GPR179: variants seen among roughly 807,000 people sequenced by gnomAD.
GPR179 encodes probable G protein-coupled receptor 179.
GPR179 carries 52 observed loss-of-function variants against 70.8 expected under a neutral mutation model. That is an observed-to-expected ratio of 0.73 (90% confidence interval 0.59 to 0.93). The LOEUF (loss-of-function observed/expected upper bound fraction) is 0.93, where lower values mean the gene tolerates loss of function less well. Among genes scored for constraint, GPR179 ranks in the 40% least tolerant of loss-of-function variants. The pLI is 0.00. For synonymous variants in GPR179, 1,123 were observed against 1,169.0 expected, an observed-to-expected ratio of 0.96 and a Z score of 0.80; for missense variants, 2,734 against 2,966.8, an observed-to-expected ratio of 0.92 and a Z score of 1.82.
At chr17:38,336,416 C>T (rs78777878) in intron 4 of GPR179, among the ~76,000 whole-genome samples, 1 of 152,350 alleles carries the variant, frequency 6.6e-6, no homozygotes, top group East Asian at 1.9e-4. Flanking sequence ...CAGACCTAGG[C>T]TCAAATCAGA....
intron 9 of GPR179, among the ~76,000 whole-genome samples, chr17:38,333,660 T>A (rs1413177555): frequency 6.6e-6 from 1 of 152,178 alleles, no homozygotes; most frequent in Non-Finnish European, 1.5e-5. Flanking sequence ...TATACCTGCT[T>A]CTGAGTAGAT....
Position 38,330,410 on chromosome 17 carries a change from A to T in GPR179, c.3159T>A (p.His1053Gln). The T allele has an allele frequency of 6.2e-7, 1 of 1,606,938 alleles. No individual in the cohort carries two copies. Among genetic ancestry groups the T allele is most frequent in the Admixed American group, 1.7e-5 (1 of 58,986 alleles). The change falls in exon 11 of 11, where the codon CAT becomes CAA. Residue 1053 changes from histidine to glutamine, a missense_variant. By Grantham distance (24) the His-to-Gln change is conservative. Coordinates refer to ENST00000616987, the MANE Select transcript of GPR179 (RefSeq NM_001004334.4). ...CCACATCATTAGCTTCCCTCTGGTG[A>T]TGTGCATCCTCTGCGTCCATCTCAT... Reference protein sequence around the residue: ...GENEMDAEDAHHQREANDVDE... With the variant: ...GENEMDAEDAQHQREANDVDE...
Position 38,336,110 on chromosome 17 carries a change from GT to G in GPR179, c.1261del (p.Thr421LeufsTer65). 6.2e-7 allele frequency: 1 copy of G among 1,613,724 alleles called. No individual in the cohort carries two copies. The highest frequency in any genetic ancestry group is 8.5e-7 in the Non-Finnish European group (1 of 1,179,600). On this transcript the variant is annotated frameshift_variant, in exon 5 of 11. Coordinates refer to ENST00000616987, the MANE Select transcript of GPR179 (RefSeq NM_001004334.4). LOFTEE classifies it high-confidence loss of function. The stretch of plus-strand genomic sequence containing the variant: ...AAGCAGCAGGAATCCAAAAAGGACA[GT>G]TTCCAGCAGGACCACTCCAGATGCC... The part of the protein sequence containing the change: ...IWASGVVLLE[T>X]VLFGFLLLYF...
At chr17:38,342,927 C>A in intron 1 of GPR179, 69 bp downstream of exon 1, 1 of 1,463,934 alleles carries the variant, frequency 6.8e-7, no homozygotes, top group East Asian at 2.3e-5. Flanking sequence ...CCAGGCACAG[C>A]TGAGGGGACC....
Position 38,329,033 on chromosome 17 carries a change from T to C in GPR179, c.4536A>G (p.Gly1512=). Residue 1512 remains glycine, a synonymous_variant, in exon 11 of 11, where the codon GGA becomes GGG. Coordinates refer to ENST00000616987, the MANE Select transcript of GPR179 (RefSeq NM_001004334.4). ...LQEKEKASRK[G]SFGEMGEQTV... ...TTTGTTCCCCCATCTCTCCAAAGCT[T>C]CCTTTTCTGGAGGCTTTTTCCTTTT... 6.2e-7 allele frequency: 1 copy of C among 1,614,176 alleles called. No individual in the cohort carries two copies. Among genetic ancestry groups the C allele is most frequent in the South Asian group, 1.1e-5 (1 of 91,084 alleles).
chr17:38,329,714 GT>G lies in GPR179; in HGVS notation c.3854del (p.Asp1285AlafsTer16). 1 of 1,614,084 alleles carries G rather than the reference GT, an allele frequency of 6.2e-7. No individual in the cohort carries two copies. Among genetic ancestry groups the G allele is most frequent in the Non-Finnish European group, 8.5e-7 (1 of 1,180,008 alleles). On this transcript the variant is annotated frameshift_variant, in exon 11 of 11. Transcript: ENST00000616987. LOFTEE classifies it low-confidence loss of function (END_TRUNC). Reference sequence around the variant, plus strand: ...GGGCCTCCCCTCTCTTTTTTTGGGAGTCACCTGGGTCTTGTCTTAGTGCCCT... The same window carrying G: ...GGGCCTCCCCTCTCTTTTTTTGGGAGCACCTGGGTCTTGTCTTAGTGCCCT... ...ESRALRQDPG[D>X]SQKKRGEARG...
chr17:38,327,929 G>T lies in GPR179; in HGVS notation c.5640C>A (p.Asp1880Glu). The part of the protein sequence containing the change: ...QETICIWENK[D>E]LRESPAQAPK... The stretch of plus-strand genomic sequence containing the variant: ...GGGCCTGAGCAGGGGATTCCCTCAA[G>T]TCCTTGTTCTCCCAAATACAAATAG... Residue 1880 changes from aspartate to glutamate, a missense_variant, in exon 11 of 11, where the codon GAC becomes GAA. By Grantham distance (45) the Asp-to-Glu change is conservative (BLOSUM62 2). Transcript: ENST00000616987. 6.2e-7 allele frequency: 1 copy of T among 1,614,184 alleles called. No individual in the cohort carries two copies. Among genetic ancestry groups the T allele is most frequent in the Non-Finnish European group, 8.5e-7 (1 of 1,180,034 alleles).
chr17:38,333,867 C>A (rs2037380250), intron 9 of GPR179, 66 bp downstream of exon 9: 6 of 1,276,642 alleles, frequency 4.7e-6, no homozygotes, highest in Non-Finnish European at 6.7e-6. Context: ...TGCGGGACAA[C>A]CGCTCCACAG....
In GPR179 at chr17:38,329,002, T is replaced by C. The variant is rs2037321705; in HGVS notation, c.4567A>G (p.Lys1523Glu). The change falls in exon 11 of 11, where the codon AAA (lysine) becomes GAA (glutamate). Residue 1523 changes from lysine to glutamate, a missense_variant. By Grantham distance (56) the Lys-to-Glu change is moderately conservative (BLOSUM62 1). Transcript: ENST00000616987. ...TGTTGACTTAATTTCTGCACTGCTT[T>C]CACAGTTTGTTCCCCCATCTCTCCA... ...SFGEMGEQTV[K>E]AVQKLSQQQE... 1.2e-6 allele frequency: 2 copies of C among 1,614,220 alleles called. No homozygotes were observed. Among genetic ancestry groups the C allele is most frequent in the Non-Finnish European group, 1.7e-6 (2 of 1,180,034 alleles).
At chr17:38,339,710 CTT>C (rs1356781486) in intron 1 of GPR179, among the ~76,000 whole-genome samples, 185 bp from the exon 2 acceptor site, 1 of 152,208 alleles carries the variant, frequency 6.6e-6, no homozygotes, top group African/African-American at 2.4e-5. Flanking sequence ...CTCCTTCTCT[CTT>C]GTCTCCTGCC....
chr17:38,337,662 G>GACTCTCTC lies in GPR179; in HGVS notation c.961_962insGAGAGAGT (p.Pro321ArgfsTer15). 1 of 1,598,640 alleles carries GACTCTCTC rather than the reference G, an allele frequency of 6.3e-7. No individual in the cohort carries two copies. The highest frequency in any genetic ancestry group is 2.3e-5 in the East Asian group (1 of 42,972). ...AGAGGGGCTTGCCCCGTAGAATCCA[G>GACTCTCTC]GTCGGCAGCGGCAGAGGTAGCGGCC... On this transcript the variant is annotated frameshift_variant, in exon 3 of 11. Coordinates refer to ENST00000616987, the MANE Select transcript of GPR179 (RefSeq NM_001004334.4). LOFTEE classifies it high-confidence loss of function.
chr17:38,328,980 T>C lies in GPR179; in HGVS notation c.4589A>G (p.Gln1530Arg). 6.2e-7 allele frequency: 1 copy of C among 1,614,186 alleles called. No homozygotes were observed. The highest frequency in any genetic ancestry group is 8.5e-7 in the Non-Finnish European group (1 of 1,180,020). ...CCTGGGACAAACTGACTCCTGCTGTTGACTTAATTTCTGCACTGCTTTCAC... is the reference window on the plus strand; with the variant it reads ...CCTGGGACAAACTGACTCCTGCTGTCGACTTAATTTCTGCACTGCTTTCAC... Reference protein sequence around the residue: ...QTVKAVQKLSQQQESVCPRES... With the variant: ...QTVKAVQKLSRQQESVCPRES... Residue 1530 changes from glutamine (Q) to arginine (R), a missense_variant, in exon 11 of 11, where the codon CAA becomes CGA. Transcript: ENST00000616987.
rs759476474 is a variant in GPR179 at position 38,337,212 on chromosome 17, C to A, written c.993G>T (p.Gly331=). Residue 331 remains glycine, a splice_region_variant and synonymous_variant, in exon 4 of 11, where the codon GGG becomes GGT. Transcript: ENST00000616987. ...TAGTCTGGAAGTCACTCTCCTCTAA[C>A]CCTATAAAGAACAAGATGAGTGCAG... The part of the protein sequence containing the change: ...PGFYGASPSG[G]LEESDFQTTG... 1.2e-6 allele frequency: 2 copies of A among 1,608,664 alleles called. No individual in the cohort carries two copies. The highest frequency in any genetic ancestry group is 1.7e-6 in the Non-Finnish European group (2 of 1,177,886).
rs749471277 is a variant in GPR179, at chr17:38,343,301, G to A, written c.489C>T (p.Ala163=). The A allele has an allele frequency of 3.7e-6, 6 of 1,614,026 alleles. No homozygotes were observed. In the Admixed American group the frequency reaches 5.0e-5, roughly 13 times the overall value. The change falls in exon 1 of 11, where the codon GCC becomes GCT. Residue 163 remains alanine, a synonymous_variant. Transcript: ENST00000616987. The surrounding 1 kb of genome is among the most constrained non-coding windows in gnomAD (Gnocchi z 4.2). ...PPPGASHLQL[A]LQATRTGEET... ...CCTCCCCAGTCCGGGTGGCCTGCAG[G>A]GCCAGCTGTAGGTGGCTGGCCCCTG...
In GPR179 at chr17:38,337,038, G is replaced by A. The variant is rs1054167996; in HGVS notation, c.1167C>T (p.Ala389=). 2.5e-6 allele frequency: 4 copies of A among 1,609,148 alleles called. No individual in the cohort carries two copies. In the African/African-American group the frequency reaches 5.3e-5, roughly 21 times the overall value. ...VLRAAVLACQ[A]CCMLAIFLSM... ...TCAGGAAGATGGCCAGCATGCAGCA[G>A]GCCTGGCAGGCCAGCACAGCGGCCC... Residue 389 remains alanine (A), a synonymous_variant, in exon 4 of 11, where the codon GCC becomes GCT. Coordinates refer to ENST00000616987, the MANE Select transcript of GPR179 (RefSeq NM_001004334.4).
chr17:38,332,301 C>G (rs927721176), intron 10 of GPR179, among the ~76,000 whole-genome samples: 6 of 152,198 alleles, frequency 3.9e-5, no homozygotes, highest in Non-Finnish European at 8.8e-5. Context: ...AGAATGGCTT[C>G]CCATGATGGT....
At chr17:38,332,560 G>C (rs1027410686) in intron 10 of GPR179, among the ~76,000 whole-genome samples, 2 of 152,212 alleles carry the variant, frequency 1.3e-5, no homozygotes, top group African/African-American at 4.8e-5. Context: ...GCCCTAGGCT[G>C]GCCCTAGGTG....
intron 4 of GPR179, among the ~76,000 whole-genome samples, chr17:38,336,550 A>G (rs139916895): frequency 6.6e-6 from 1 of 152,152 alleles, no homozygotes; most frequent in Non-Finnish European, 1.5e-5. Context: ...AGCCTGGCTC[A>G]TGTCACATCC....
rs756706522 is a variant in GPR179, at chr17:38,337,095, T to C, written c.1110A>G (p.Thr370=). ...PEGCTSCMDA[T]PCLVEEAAVL... is the part of the protein sequence containing the mutation. ...CCGCGGCCTCTTCCACCAGGCACGG[T>C]GTGGCATCCATGCAGCTGGTGCAGC... The change falls in exon 4 of 11, where the codon ACA becomes ACG. Residue 370 remains threonine, a synonymous_variant. Transcript: ENST00000616987. 3.1e-6 allele frequency: 5 copies of C among 1,611,038 alleles called. No individual in the cohort carries two copies. The highest frequency in any genetic ancestry group is 4.2e-6 in the Non-Finnish European group (5 of 1,178,960).
Sources: allele counts gnomAD v4.1 joint callset (sites outside exome capture counted in the v4.1 genomes callset), GRCh38; gene constraint gnomAD v4.1.1; non-coding constraint Gnocchi (gnomAD v3.1); transcripts MANE v1.5; gene names NCBI Gene and HGNC (gene_info 2026-07-23, HGNC 2026-07-21).